SRCAP: variants seen among roughly 807,000 people sequenced by gnomAD.
SRCAP encodes the protein Snf2 related CREBBP activator protein.
A neutral mutation model predicts 263.1 loss-of-function variants in SRCAP; 46 were observed. That is an observed-to-expected ratio of 0.17 (90% CI 0.14 to 0.22). The LOEUF (loss-of-function observed/expected upper bound fraction) is 0.22, where lower values mean the gene tolerates loss of function less well. Among genes scored for constraint, SRCAP ranks in the 10% least tolerant of loss-of-function variants. The probability of loss-of-function intolerance (pLI) is 1.00; values close to 1 mark genes in which losing one functional copy is unlikely to be tolerated. For missense variants in SRCAP, 3,695 were observed against 4,181.9 expected, an observed-to-expected ratio of 0.88 and a Z score of 3.21; for synonymous variants, 1,813 against 1,662.1, an observed-to-expected ratio of 1.09 and a Z score of -2.21.
chr16:30,737,783 C>T lies in SRCAP; in HGVS notation c.7743C>T (p.Pro2581=). ...SSETSSLSLV[P]PKDLLPVAVE... Reference sequence around the variant, plus strand: ...AAACCTCCTCACTTTCTCTTGTGCCCCCTAAAGATCTGTTGCCAGTTGCTG... The same window carrying T: ...AAACCTCCTCACTTTCTCTTGTGCCTCCTAAAGATCTGTTGCCAGTTGCTG... The change falls in exon 34 of 34, where the codon CCC becomes CCT. Residue 2581 remains proline (P), a synonymous_variant. Coordinates refer to ENST00000262518, the MANE Select transcript of SRCAP (RefSeq NM_006662.3). 6.2e-7 allele frequency: 1 copy of T among 1,614,200 alleles called. No homozygotes were observed. Among genetic ancestry groups the T allele is most frequent in the Non-Finnish European group, 8.5e-7 (1 of 1,180,042 alleles).
At chr16:30,716,738 T>G (rs2052955192) in intron 18 of SRCAP, among the ~76,000 whole-genome samples, 1 of 152,204 alleles carries the variant, frequency 6.6e-6, no homozygotes, top group African/African-American at 2.4e-5. Context: ...CTTACAATTT[T>G]TTACTTTTTG....
chr16:30,709,921 G>A lies in SRCAP; in HGVS notation c.927G>A (p.Gln309=), dbSNP rs2052869191. 1 of 1,614,214 alleles carries A rather than the reference G, an allele frequency of 6.2e-7. No individual in the cohort carries two copies. Among genetic ancestry groups the A allele is most frequent in the Non-Finnish European group, 8.5e-7 (1 of 1,180,040 alleles). ...AAACGATTGAAGTTGAAGAACAACA[G>A]GAAGGCAATGATGCAGAGGCCCAGA... ...DEETIEVEEQ[Q]EGNDAEAQRR... The change falls in exon 8 of 34, where the codon CAG becomes CAA. Residue 309 remains glutamine (Q), a synonymous_variant. Transcript: ENST00000262518.
rs764913776 is a variant in SRCAP, at chr16:30,724,091, C to A, written c.4667C>A (p.Ala1556Asp). Residue 1556 changes from alanine (A) to aspartate (D), a missense_variant, in exon 25 of 34, where the codon GCC (alanine) becomes GAC (aspartate). By Grantham distance (126) the Ala-to-Asp change is moderately radical (BLOSUM62 -2). Transcript: ENST00000262518. ...SPVLVPASALASPFPSAPNPA... is the reference protein window; with the variant it reads ...SPVLVPASALDSPFPSAPNPA... Reference sequence around the variant, plus strand: ...GTCCTGGTGCCAGCTTCGGCTCTGGCCAGTCCTTTTCCGTCAGCACCAAAT... The same window carrying A: ...GTCCTGGTGCCAGCTTCGGCTCTGGACAGTCCTTTTCCGTCAGCACCAAAT... 1 of 1,613,630 alleles carries A rather than the reference C, an allele frequency of 6.2e-7. No individual in the cohort carries two copies. Among genetic ancestry groups the A allele is most frequent in the Non-Finnish European group, 8.5e-7 (1 of 1,180,026 alleles).
Position 30,723,021 on chromosome 16 carries a change from T to G in SRCAP, c.3951T>G (p.Pro1317=). 1 of 1,614,018 alleles carries G rather than the reference T, an allele frequency of 6.2e-7. No homozygotes were observed. The highest frequency in any genetic ancestry group is 8.5e-7 in the Non-Finnish European group (1 of 1,180,000). Reference sequence around the variant, plus strand: ...TGAAGATTGTAGTGAGACAAGCCCCTCGGGATGGACTGACTCCTGTTCCTC... The same window carrying G: ...TGAAGATTGTAGTGAGACAAGCCCCGCGGGATGGACTGACTCCTGTTCCTC... ...GVVKIVVRQA[P]RDGLTPVPPL... The change falls in exon 24 of 34, where the codon CCT becomes CCG. Residue 1317 remains proline, a synonymous_variant. Transcript: ENST00000262518.
chr16:30,735,033 G>C (rs937367826), intron 31 of SRCAP, among the ~76,000 whole-genome samples: 4 of 151,930 alleles, frequency 2.6e-5, no homozygotes, highest in Non-Finnish European at 5.9e-5. Context: ...AATTATGATA[G>C]ATTTTGAGAC....
At chr16:30,730,359 A>G (rs2053102028) in intron 27 of SRCAP, among the ~76,000 whole-genome samples, 1 of 29,684 alleles carries the variant, frequency 3.4e-5, no homozygotes. Flanking sequence ...TAATGAGCCA[A>G]TCTGAGAATA....
At position 30,739,681 on chromosome 16, in the gene SRCAP, C is replaced by G; in HGVS notation, c.9641C>G (p.Pro3214Arg). 1.3e-6 allele frequency: 2 copies of G among 1,551,750 alleles called. No individual in the cohort carries two copies. Among genetic ancestry groups the G allele is most frequent in the Non-Finnish European group, 1.7e-6 (2 of 1,150,672 alleles). The part of the protein sequence containing the change: ...DQRILRSSAP[P>R]SLAGPAVSHR... The stretch of plus-strand genomic sequence containing the variant: ...CGCATCCTGCGCAGCAGCGCCCCTC[C>G]CTCCCTGGCTGGCCCTGCTGTTAGT... Residue 3214 changes from proline to arginine, a missense_variant, in exon 34 of 34, where the codon CCC (proline) becomes CGC (arginine). Pro to Arg is a moderately radical substitution (Grantham distance 103, BLOSUM62 -2). Around this residue, in one of 12 missense-constraint regions of SRCAP, gnomAD observed 1,207 missense variants for 1,142.9 expected, o/e 1.06. Transcript: ENST00000262518.
At chr16:30,731,510 A>T (rs1355553424) in intron 27 of SRCAP, among the ~76,000 whole-genome samples, 1 of 152,058 alleles carries the variant, frequency 6.6e-6, no homozygotes, top group African/African-American at 2.4e-5. Flanking sequence ...ATGTTTTAGT[A>T]AAAAAAAGTG....
At position 30,701,073 on chromosome 16, in the gene SRCAP, T is replaced by C. The variant is rs540113914; in HGVS notation, c.54+195T>C. Among the ~76,000 whole-genome samples, 129 of 152,116 alleles carry C rather than the reference T, an allele frequency of 8.5e-4. 1 individual carries two copies. The highest frequency in any genetic ancestry group is 3.0e-3 in the African/African-American group (126 of 41,490). ...ATTAGTGTAATATTATCTCCAAGAG[T>C]GTAAAAGCGCCTCGTTACCTGAAAA... is the stretch of plus-strand genomic sequence containing the variant. On this transcript the variant is annotated intron_variant, in intron 3 of 33. Coordinates refer to ENST00000262518, the MANE Select transcript of SRCAP (RefSeq NM_006662.3).
chr16:30,699,212 G>C lies in SRCAP; in HGVS notation c.-314G>C, dbSNP rs2052738077. 1 of 398,792 alleles carries C rather than the reference G, an allele frequency of 2.5e-6. No individual in the cohort carries two copies. Among genetic ancestry groups the C allele is most frequent in the Non-Finnish European group, 4.4e-6 (1 of 226,158 alleles). 24.7% of individuals were successfully genotyped at this position (398,792 alleles called of 1,614,324 possible). ...GGCTAGGGAGATGGTCACGAAACCT[G>C]AAGTCAAGAGTTAAGGCTTGTTGGC... On this transcript the variant is annotated 5_prime_UTR_variant, in exon 1 of 34. Coordinates refer to ENST00000262518, the MANE Select transcript of SRCAP (RefSeq NM_006662.3).
chr16:30,714,047 G>T (rs1483302855), intron 16 of SRCAP, among the ~76,000 whole-genome samples: 1 of 146,928 alleles, frequency 6.8e-6, no homozygotes, highest in Non-Finnish European at 1.5e-5. Flanking sequence ...ACAGGCACCC[G>T]CCACAAAGCC....
intron 24 of SRCAP, 132 bp from the exon 25 acceptor site, chr16:30,723,452 T>C: frequency 6.7e-7 from 1 of 1,489,330 alleles, no homozygotes; most frequent in East Asian, 2.3e-5. Flanking sequence ...ATTACTTGGA[T>C]GTTTGACTTC....
intron 18 of SRCAP, 85 bp downstream of exon 18, chr16:30,716,564 A>G: frequency 7.9e-7 from 1 of 1,264,140 alleles, no homozygotes; most frequent in Non-Finnish European, 1.1e-6. Flanking sequence ...CTGGGGTCTG[A>G]CTTTTGCATC....
At position 30,710,884 on chromosome 16, in the gene SRCAP, C is replaced by G. The variant is rs377352834; in HGVS notation, c.1228+37C>G. The stretch of plus-strand genomic sequence containing the variant: ...TCGGTTTGTCCTATTGCCCCTTACC[C>G]CTTGAATGAATTGTCTGGACCTAAC... On this transcript the variant is annotated intron_variant, in intron 9 of 33. Transcript: ENST00000262518. 44 of 1,608,782 alleles carry G rather than the reference C, an allele frequency of 2.7e-5. No individual in the cohort carries two copies. The African/African-American group carries it at 3.2e-4, about 12-fold the overall frequency.
chr16:30,720,748 C>T lies in SRCAP; in HGVS notation c.3023C>T (p.Thr1008Ile). 6.2e-7 allele frequency: 1 copy of T among 1,612,188 alleles called. No homozygotes were observed. Among genetic ancestry groups the T allele is most frequent in the Non-Finnish European group, 8.5e-7 (1 of 1,178,982 alleles). ...LQPVPKQEGR[T>I]VVVVNNPRAP... is the part of the protein sequence containing the mutation. ...CCAGTACCTAAGCAAGAAGGCCGGA[C>T]AGTGGTGGTGGTGAACAACCCACGG... The change falls in exon 20 of 34, where the codon ACA (threonine) becomes ATA (isoleucine). Residue 1008 changes from threonine (T) to isoleucine (I), a missense_variant. Thr to Ile is a moderately conservative substitution (Grantham distance 89). Around this residue, in one of 12 missense-constraint regions of SRCAP, gnomAD observed 1,347 missense variants for 1,304.4 expected, o/e 1.03. Coordinates refer to ENST00000262518, the MANE Select transcript of SRCAP (RefSeq NM_006662.3).
In SRCAP at chr16:30,710,051, A is replaced by G. The variant is rs756121118; in HGVS notation, c.1057A>G (p.Thr353Ala). 1.9e-6 allele frequency: 3 copies of G among 1,613,744 alleles called. No homozygotes were observed. Among genetic ancestry groups the G allele is most frequent in the Non-Finnish European group, 2.5e-6 (3 of 1,179,954 alleles). Residue 353 changes from threonine (T) to alanine (A), a missense_variant, in exon 8 of 34, where the codon ACC (threonine) becomes GCC (alanine). Thr to Ala is a moderately conservative substitution (Grantham distance 58, BLOSUM62 0). Transcript: ENST00000262518. ...LLEGPSSPSQTPSSHDSDTRD... is the reference protein window; with the variant it reads ...LLEGPSSPSQAPSSHDSDTRD... ...GGAAGGGCCTTCCAGCCCCTCTCAA[A>G]CCCCCTCATCTCATGATAGTGACAC...
At position 30,739,950 on chromosome 16, in the gene SRCAP, C is replaced by A; in HGVS notation, c.*217C>A. ...TTCCCCTTCACCCCACGTGGCTGGG[C>A]AGTGTTAAGGGTGGCAAGATAGTCT... On this transcript the variant is annotated 3_prime_UTR_variant, in exon 34 of 34. Transcript: ENST00000262518. 1 of 693,252 alleles carries A rather than the reference C, an allele frequency of 1.4e-6. No individual in the cohort carries two copies. The highest frequency in any genetic ancestry group is 2.1e-6 in the Non-Finnish European group (1 of 467,362). 42.9% of individuals were successfully genotyped at this position (693,252 alleles called of 1,614,324 possible).
In SRCAP at chr16:30,708,124, T is replaced by C. The variant is rs180694917; in HGVS notation, c.633+412T>C. ...CTCCCTTCCACTCCACACCCACCTT[T>C]CTTTTGTATATCTCTGTCCATTTAC... On this transcript the variant is annotated intron_variant, in intron 6 of 33. Coordinates refer to ENST00000262518, the MANE Select transcript of SRCAP (RefSeq NM_006662.3). 9.5e-4 allele frequency among the ~76,000 whole-genome samples: 144 copies of C among 152,332 alleles called. 2 individuals carry two copies. The East Asian group carries it at 0.011, about 12-fold the overall frequency.
intron 18 of SRCAP, among the ~76,000 whole-genome samples, chr16:30,717,377 A>G (rs990221633): frequency 3.3e-5 from 5 of 151,728 alleles, no homozygotes; most frequent in South Asian, 4.1e-4. Context: ...ACTTGCAAAT[A>G]TTTTGTCACA....
Sources: allele counts gnomAD v4.1 joint callset (sites outside exome capture counted in the v4.1 genomes callset), GRCh38; gene constraint gnomAD v4.1.1; regional missense constraint gnomAD v4.1.1; transcripts MANE v1.5; gene names NCBI Gene and HGNC (gene_info 2026-07-23, HGNC 2026-07-21).